Variants in POU6F2 observed in about 807,000 individuals in gnomAD.
POU6F2 encodes POU class 6 homeobox 2.
POU6F2 carries 31 observed loss-of-function variants against 71.3 expected under a neutral mutation model. The observed-to-expected ratio is 0.43, with a 90% CI of 0.33 to 0.59. The LOEUF (loss-of-function observed/expected upper bound fraction) is 0.59, where lower values mean the gene tolerates loss of function less well. POU6F2 is among the 20% of genes least tolerant of loss of function. The probability of loss-of-function intolerance (pLI) is 0.04; values close to 1 mark genes in which losing one functional copy is unlikely to be tolerated. For synonymous variants in POU6F2, 347 were observed against 355.7 expected (o/e 0.98, Z 0.27); for missense variants, 783 against 856.8 (o/e 0.91, Z 1.07).
chr7:39,045,404 C>T (rs982950692), intron 1 of POU6F2, among the ~76,000 whole-genome samples: 1 of 151,896 alleles, frequency 6.6e-6, no homozygotes, highest in African/African-American at 2.4e-5. Context: ...TGCTCTCTCC[C>T]TGCCAAGATT....
At chr7:39,043,277 G>A (rs1301835865) in intron 1 of POU6F2, among the ~76,000 whole-genome samples, 2 of 151,802 alleles carry the variant, frequency 1.3e-5, no homozygotes, top group Admixed American at 1.3e-4. Context: ...AAAAAAAATG[G>A]AACTCTTAGA....
intron 4 of POU6F2, among the ~76,000 whole-genome samples, chr7:39,301,518 AGT>A (rs765308134): frequency 1.3e-5 from 2 of 152,128 alleles, no homozygotes; most frequent in Non-Finnish European, 2.9e-5. Flanking sequence ...CAGGTGTGTG[AGT>A]GTGTGTGTGT....
intron 2 of POU6F2, among the ~76,000 whole-genome samples, chr7:39,153,312 G>A (rs1476210668): frequency 2.6e-5 from 4 of 152,164 alleles, no homozygotes; most frequent in Admixed American, 6.5e-5. Context: ...AACTGATGTG[G>A]CATTTATTCA....
In POU6F2 at chr7:39,093,363, A is replaced by G. The variant is rs1438483511; in HGVS notation, c.277+7332A>G. On this transcript the variant is annotated intron_variant, in intron 2 of 9. Transcript: ENST00000518318. ...AATGGGACTGTATAATGAAATCTGC[A>G]TTCATTAAGATGGTTAAAAATGTTC... is the stretch of plus-strand genomic sequence containing the variant. Among the ~76,000 whole-genome samples the G allele has an allele frequency of 3.3e-5, 5 of 152,130 alleles. No homozygotes were observed. The East Asian group carries it at 7.7e-4, about 23-fold the overall frequency.
chr7:39,012,660 C>G (rs1251264613), intron 1 of POU6F2, among the ~76,000 whole-genome samples: 1 of 152,112 alleles, frequency 6.6e-6, no homozygotes, highest in Non-Finnish European at 1.5e-5. Flanking sequence ...GTGGTTTTAT[C>G]TACTTTTGGT....
chr7:39,231,286 T>C (rs985227208), intron 4 of POU6F2, among the ~76,000 whole-genome samples: 3 of 152,284 alleles, frequency 2.0e-5, no homozygotes, highest in African/African-American at 7.2e-5. Context: ...ATTATTTCAG[T>C]ATTCTTCACA....
At chr7:39,034,592 G>A in intron 1 of POU6F2, 1 of 288,100 alleles carries the variant, frequency 3.5e-6, no homozygotes, top group Non-Finnish European at 7.6e-6. Flanking sequence ...TAGGGGAATC[G>A]ATGGACCAAA....
intron 2 of POU6F2, among the ~76,000 whole-genome samples, chr7:39,165,282 G>T (rs73365568): frequency 6.6e-6 from 1 of 152,072 alleles, no homozygotes. Flanking sequence ...GCTACCCAAC[G>T]TTGCTTACTC....
At chr7:39,186,364 C>A (rs145387022) in intron 2 of POU6F2, among the ~76,000 whole-genome samples, 1 of 152,150 alleles carries the variant, frequency 6.6e-6, no homozygotes, top group Non-Finnish European at 1.5e-5. Flanking sequence ...TCTGAGCAAG[C>A]GTTTGCTACT....
intron 2 of POU6F2, among the ~76,000 whole-genome samples, chr7:39,185,688 C>A (rs1793518932): frequency 1.3e-5 from 2 of 151,830 alleles, no homozygotes; most frequent in Non-Finnish European, 2.9e-5. Flanking sequence ...AGCTTCATTG[C>A]CAGGTTGTAG....
chr7:39,359,956 A>G (rs1786342524), intron 5 of POU6F2, among the ~76,000 whole-genome samples: 1 of 152,200 alleles, frequency 6.6e-6, no homozygotes, highest in African/African-American at 2.4e-5. Flanking sequence ...GGCAAGCAAT[A>G]TTGTAATGTA....
intron 4 of POU6F2, among the ~76,000 whole-genome samples, chr7:39,332,139 A>G (rs906116453): frequency 6.6e-6 from 1 of 152,152 alleles, no homozygotes; most frequent in Non-Finnish European, 1.5e-5. Flanking sequence ...TCATATTTGG[A>G]TTGTGACTTT....
chr7:39,216,038 A>G (rs969374026), intron 4 of POU6F2, among the ~76,000 whole-genome samples: 3 of 152,224 alleles, frequency 2.0e-5, no homozygotes, highest in African/African-American at 7.2e-5. Context: ...TGGCTCTTAA[A>G]GCTTCAGCTC....
intron 7 of POU6F2, among the ~76,000 whole-genome samples, chr7:39,445,464 G>A (rs1583610451): frequency 6.6e-6 from 1 of 152,098 alleles, no homozygotes; most frequent in Non-Finnish European, 1.5e-5. Context: ...TGCATTCTGT[G>A]CCCCTGGCCT....
At chr7:39,309,064 C>T (rs1439799893) in intron 4 of POU6F2, among the ~76,000 whole-genome samples, 1 of 152,232 alleles carries the variant, frequency 6.6e-6, no homozygotes, top group African/African-American at 2.4e-5. Flanking sequence ...TCTTCTGTGT[C>T]ACCCACCCTC....
intron 5 of POU6F2, among the ~76,000 whole-genome samples, chr7:39,344,065 G>T (rs1189825905): frequency 6.6e-6 from 1 of 152,160 alleles, no homozygotes; most frequent in Non-Finnish European, 1.5e-5. Context: ...GTCCCAGATT[G>T]CTTTTCCACA....
rs770670204 is a variant in POU6F2, at chr7:39,433,257, C to T, written c.1294C>T (p.Leu432=). 3.1e-6 allele frequency: 5 copies of T among 1,613,966 alleles called. No individual in the cohort carries two copies. Among genetic ancestry groups the T allele is most frequent in the Admixed American group, 3.3e-5 (2 of 60,030 alleles). ...LPVINTQGIT[L]SPIKPGQQLH... ...CGTGATCAACACCCAGGGCATCACG[C>T]TGTCACCCATCAAGCCCGGCCAGCA... Residue 432 remains leucine (L), a synonymous_variant, in exon 7 of 10, where the codon CTG becomes TTG. Transcript: ENST00000518318.
In POU6F2 at chr7:39,361,616, T is replaced by G. The variant is rs557192675; in HGVS notation, c.972+21601T>G. 4.6e-5 allele frequency among the ~76,000 whole-genome samples: 7 copies of G among 152,352 alleles called. No homozygotes were observed. In the East Asian group the frequency reaches 1.3e-3, roughly 29 times the overall value. Reference sequence around the variant, plus strand: ...TTTAACTTATTTTCCTCCTAATGTGTTAGTAACATGTACCTATTTTCTGAA... The same window carrying G: ...TTTAACTTATTTTCCTCCTAATGTGGTAGTAACATGTACCTATTTTCTGAA... On this transcript the variant is annotated intron_variant, in intron 5 of 9. Transcript: ENST00000518318.
chr7:39,453,493 T>C (rs750475434), intron 8 of POU6F2, among the ~76,000 whole-genome samples: 2 of 152,128 alleles, frequency 1.3e-5, no homozygotes, highest in East Asian at 1.9e-4. Flanking sequence ...ATAAGTTAAA[T>C]ATGAAAAAGA....
Sources: allele counts gnomAD v4.1 joint callset (sites outside exome capture counted in the v4.1 genomes callset), GRCh38; gene constraint gnomAD v4.1.1; transcripts MANE v1.5; gene names NCBI Gene and HGNC (gene_info 2026-07-23, HGNC 2026-07-21).